The following MIDEAS variants were observed in gnomAD, a reference collection of about 807,000 sequenced individuals.
MIDEAS encodes the protein mitotic deacetylase associated SANT domain protein, also known as mitotic deacetylase-associated SANT domain protein.
In MIDEAS, 26 loss-of-function variants were observed where a neutral mutation model predicts 102.7. The ratio of observed to expected loss-of-function variants is 0.25; its 90% CI spans 0.19 to 0.35. MIDEAS has a LOEUF of 0.35. Among genes scored for constraint, MIDEAS ranks in the 10% least tolerant of loss-of-function variants. MIDEAS has a pLI of 1.00. For missense variants in MIDEAS, 1,231 were observed against 1,435.6 expected (o/e 0.86, Z 2.30); for synonymous variants, 585 against 591.0 (o/e 0.99, Z 0.15).
chr14:73,752,981 A>G (rs2053438921), intron 1 of MIDEAS, among the ~76,000 whole-genome samples: 1 of 152,168 alleles, frequency 6.6e-6, no homozygotes, highest in South Asian at 2.1e-4. Flanking sequence ...AGGGAGACCA[A>G]AGATTCCACC....
intron 1 of MIDEAS, among the ~76,000 whole-genome samples, chr14:73,773,610 G>C (rs929185619): frequency 6.6e-6 from 1 of 151,912 alleles, no homozygotes; most frequent in Non-Finnish European, 1.5e-5. Flanking sequence ...GTGCTTCTAG[G>C]TTCTAGAAAC....
At chr14:73,733,940 G>A (rs938416928) in intron 3 of MIDEAS, among the ~76,000 whole-genome samples, 2 of 150,824 alleles carry the variant, frequency 1.3e-5, no homozygotes, top group African/African-American at 4.9e-5. Context: ...TGATCCACCC[G>A]CCTTGGCCTT....
At chr14:73,784,740 C>T (rs1260909916) in intron 1 of MIDEAS, among the ~76,000 whole-genome samples, 2 of 152,228 alleles carry the variant, frequency 1.3e-5, no homozygotes, top group African/African-American at 2.4e-5. Context: ...GAGGGTTGTG[C>T]AACCTGTGGT....
chr14:73,738,684 C>T lies in MIDEAS; in HGVS notation c.1325G>A (p.Cys442Tyr), dbSNP rs1291962982. 6.2e-7 allele frequency: 1 copy of T among 1,613,882 alleles called. No individual in the cohort carries two copies. The highest frequency in any genetic ancestry group is 8.5e-7 in the Non-Finnish European group (1 of 1,179,954). ...CACTCCGCCCCGTAGCACCTGCCCA[C>T]AGTCCCCTGTGCTCACTGCCCTCAT... ...EGMRAVSTGD[C>Y]GQVLRGGVIQ... Residue 442 changes from cysteine (C) to tyrosine (Y), a missense_variant, in exon 2 of 13, where the codon TGT (cysteine) becomes TAT (tyrosine). This residue lies in a region of MIDEAS where 758 missense variants were observed against 856.0 expected (regional missense o/e 0.89). Coordinates refer to ENST00000423556, the MANE Select transcript of MIDEAS (RefSeq NM_001367710.1).
intron 3 of MIDEAS, among the ~76,000 whole-genome samples, chr14:73,734,646 G>A (rs2053180631): frequency 6.6e-6 from 1 of 151,956 alleles, no homozygotes; most frequent in African/African-American, 2.4e-5. Flanking sequence ...GCCCAGGCTG[G>A]TCTCGAACTC....
chr14:73,768,871 C>T lies in MIDEAS; in HGVS notation c.-248+18231G>A, dbSNP rs1180978606. On this transcript the variant is annotated intron_variant, in intron 1 of 11. Transcript: ENST00000394071. ...TGGAAAAAAAATTGGAAACCTCCTTCTTGGAGGTGGAACTGAGTAGCACTG... is the reference window on the plus strand; with the variant it reads ...TGGAAAAAAAATTGGAAACCTCCTTTTTGGAGGTGGAACTGAGTAGCACTG... Among the ~76,000 whole-genome samples the T allele has an allele frequency of 3.9e-5, 6 of 152,306 alleles. No individual in the cohort carries two copies. In the East Asian group the frequency reaches 9.6e-4, roughly 24 times the overall value.
chr14:73,733,593 C>G (rs1209335776), intron 3 of MIDEAS, among the ~76,000 whole-genome samples: 1 of 151,996 alleles, frequency 6.6e-6, no homozygotes. Flanking sequence ...CATCTCAAAC[C>G]CCTGCCCCCG....
chr14:73,751,363 A>G (rs1181982463), intron 1 of MIDEAS, among the ~76,000 whole-genome samples: 1 of 152,186 alleles, frequency 6.6e-6, no homozygotes, highest in Admixed American at 6.5e-5. Flanking sequence ...TGGGTTGCTC[A>G]CGTCTGCTCC....
chr14:73,739,044 C>A lies in MIDEAS; in HGVS notation c.965G>T (p.Arg322Leu). The A allele has an allele frequency of 6.4e-7, 1 of 1,557,126 alleles. No homozygotes were observed. The highest frequency in any genetic ancestry group is 8.7e-7 in the Non-Finnish European group (1 of 1,149,354). The change falls in exon 2 of 13, where the codon CGC (arginine) becomes CTC (leucine). Residue 322 changes from arginine to leucine, a missense_variant. Coordinates refer to ENST00000423556, the MANE Select transcript of MIDEAS (RefSeq NM_001367710.1). ...GGCTGAGTCCTGCAGAAGGGCCTTG[C>A]GCAGTTCTGGGTTCATATCTGGGTT... ...PPNPDMNPEL[R>L]KALLQDSAPQ...
chr14:73,752,017 T>C (rs2053426154), intron 1 of MIDEAS, among the ~76,000 whole-genome samples: 1 of 152,224 alleles, frequency 6.6e-6, no homozygotes, highest in South Asian at 2.1e-4. Context: ...ATCAGGTCTC[T>C]GCTTGGGTTC....
rs368413205 is a variant in MIDEAS at position 73,722,857 on chromosome 14, A to G, written c.2575-10T>C. On this transcript the variant is annotated splice_polypyrimidine_tract_variant and intron_variant, in intron 9 of 12. Coordinates refer to ENST00000423556, the MANE Select transcript of MIDEAS (RefSeq NM_001367710.1). Reference sequence around the variant, plus strand: ...CGGTCTTGGTCTGGATCTGGTTTGAAGTCAAAACTGAGGTCAGAACCCTCT... The same window carrying G: ...CGGTCTTGGTCTGGATCTGGTTTGAGGTCAAAACTGAGGTCAGAACCCTCT... 9.9e-6 allele frequency: 16 copies of G among 1,613,682 alleles called. No homozygotes were observed. The highest frequency in any genetic ancestry group is 2.2e-5 in the East Asian group (1 of 44,886).
intron 1 of MIDEAS, among the ~76,000 whole-genome samples, chr14:73,775,608 C>A (rs1414516798): frequency 6.6e-6 from 1 of 152,090 alleles, no homozygotes; most frequent in Non-Finnish European, 1.5e-5. Context: ...TTCCTGGGGG[C>A]AGCAGCTTCC....
upstream of MIDEAS, among the ~76,000 whole-genome samples, chr14:73,764,790 C>T (rs563822831): frequency 9.6e-4 from 146 of 152,362 alleles, no homozygotes; most frequent in African/African-American, 3.3e-3. Flanking sequence ...GCCATGCTTG[C>T]CACACCAGCC....
At chr14:73,731,773 G>C (rs1016288309) in intron 3 of MIDEAS, among the ~76,000 whole-genome samples, 2 of 152,224 alleles carry the variant, frequency 1.3e-5, no homozygotes, top group Non-Finnish European at 2.9e-5. Flanking sequence ...CAGAGGCACA[G>C]GTGAAACAAG....
chr14:73,754,416 A>T (rs1566600693), intron 1 of MIDEAS, among the ~76,000 whole-genome samples: 1 of 152,240 alleles, frequency 6.6e-6, no homozygotes, highest in Non-Finnish European at 1.5e-5. Context: ...CTGAGGACTG[A>T]GCCACACCCA....
intron 1 of MIDEAS, among the ~76,000 whole-genome samples, chr14:73,749,718 C>T (rs1003855220): frequency 2.6e-5 from 4 of 151,884 alleles, no homozygotes; most frequent in African/African-American, 9.7e-5. Flanking sequence ...CCAATCAAAA[C>T]GGGTTGAAAT....
intron 1 of MIDEAS, among the ~76,000 whole-genome samples, chr14:73,752,875 C>A (rs1484496216): frequency 1.3e-5 from 2 of 152,226 alleles, no homozygotes; most frequent in African/African-American, 4.8e-5. Flanking sequence ...AGCAGAGCAT[C>A]CAGCCCAAGC....
chr14:73,764,205 T>G (rs529502092), upstream of MIDEAS, among the ~76,000 whole-genome samples: 1 of 151,784 alleles, frequency 6.6e-6, no homozygotes, highest in Non-Finnish European at 1.5e-5. Flanking sequence ...CCAGGTGTGA[T>G]GGCGCACGTC....
At chr14:73,766,752 G>A (rs1461820527) in intron 1 of MIDEAS, among the ~76,000 whole-genome samples, 5 of 151,186 alleles carry the variant, frequency 3.3e-5, no homozygotes, top group African/African-American at 7.3e-5. Context: ...GGGTTTCACC[G>A]TGTTAGCCAG....
Sources: gnomAD v4.1 joint callset for allele counts (sites outside exome capture counted in the v4.1 genomes callset) on GRCh38, gnomAD v4.1.1 for gene constraint, gnomAD v4.1.1 regional missense constraint, MANE v1.5 for transcripts, NCBI Gene and HGNC (gene_info 2026-07-23, HGNC 2026-07-21) for gene names.